Variants in ZEB2 observed in about 807,000 individuals in gnomAD.
ZEB2 encodes zinc finger E-box-binding homeobox 2.
Under a neutral mutation model 99.9 loss-of-function variants are expected in ZEB2, and 6 were observed. The ratio of observed to expected loss-of-function variants is 0.06; its 90% CI spans 0.03 to 0.12. ZEB2 has a LOEUF of 0.12. Ranked by LOEUF, ZEB2 falls within the 10% of genes least tolerant of loss-of-function variation. ZEB2 has a pLI of 1.00. For missense variants in ZEB2, 969 were observed against 1,502.8 expected, an observed-to-expected ratio of 0.64 and a Z score of 5.87; for synonymous variants, 517 against 542.5, an observed-to-expected ratio of 0.95 and a Z score of 0.65.
intron 2 of ZEB2, among the ~76,000 whole-genome samples, chr2:144,490,098 T>C (rs1248314649): frequency 6.6e-6 from 1 of 152,178 alleles, no homozygotes; most frequent in Non-Finnish European, 1.5e-5. Context: ...TGGGTTGGGA[T>C]ATTCTAATTA....
At chr2:144,514,621 G>A (rs1319555890) in intron 2 of ZEB2, among the ~76,000 whole-genome samples, 2 of 152,200 alleles carry the variant, frequency 1.3e-5, no homozygotes, top group Non-Finnish European at 2.9e-5. Flanking sequence ...TGAAAAAGGG[G>A]TGGGGTGGTA....
In ZEB2 at chr2:144,398,538, C is replaced by T; in HGVS notation, c.2649G>A (p.Val883=). The T allele has an allele frequency of 6.2e-7, 1 of 1,614,132 alleles. No homozygotes were observed. The highest frequency in any genetic ancestry group is 8.5e-7 in the Non-Finnish European group (1 of 1,180,012). ...TGGCACTAAATGGGTTCATGCTGAACACTGGGTTAGTGCTTTTGTTGTCCA... is the reference window on the plus strand; with the variant it reads ...TGGCACTAAATGGGTTCATGCTGAATACTGGGTTAGTGCTTTTGTTGTCCA... ...NNLDNKSTNP[V]FSMNPFSAKP... The change falls in exon 8 of 10, where the codon GTG becomes GTA. Residue 883 remains valine, a synonymous_variant. Transcript: ENST00000627532.
chr2:144,421,895 T>C (rs1179357009), intron 4 of ZEB2, among the ~76,000 whole-genome samples: 4 of 152,214 alleles, frequency 2.6e-5, no homozygotes, highest in African/African-American at 7.2e-5. Context: ...CCCATATCTA[T>C]ATATCTTTTA....
Position 144,398,771 on chromosome 2 carries a change from A to C in ZEB2, c.2416T>G (p.Phe806Val). The change falls in exon 8 of 10, where the codon TTC becomes GTC. Residue 806 changes from phenylalanine (F) to valine (V), a missense_variant. Around this residue, in one of 8 missense-constraint regions of ZEB2, gnomAD observed 346 missense variants for 460.0 expected, o/e 0.75. Coordinates refer to ENST00000627532, the MANE Select transcript of ZEB2 (RefSeq NM_014795.4). The stretch of plus-strand genomic sequence containing the variant: ...TCAGCCTGGAGCTCCTCAGAAGAGA[A>C]GCTGTTTGGAGTGTATGAACTACTG... ...SHSSSYTPNS[F>V]SSEELQAEPL... 1 of 1,614,138 alleles carries C rather than the reference A, an allele frequency of 6.2e-7. No homozygotes were observed. The highest frequency in any genetic ancestry group is 1.3e-5 in the African/African-American group (1 of 75,048).
intron 2 of ZEB2, among the ~76,000 whole-genome samples, chr2:144,440,515 A>ATATATATTT (rs1703899127): frequency 3.0e-5 from 1 of 32,846 alleles, no homozygotes; most frequent in African/African-American, 7.9e-5. Flanking sequence ...ATATATATAT[A>ATATATATTT]TTTTTTTTTT....
At chr2:144,501,289 T>G (rs377156397) in intron 2 of ZEB2, among the ~76,000 whole-genome samples, 1 of 152,172 alleles carries the variant, frequency 6.6e-6, no homozygotes, top group South Asian at 2.1e-4. Context: ...AATCATCCAA[T>G]GAGTCATTCT....
chr2:144,512,419 T>A, intron 2 of ZEB2: 1 of 1,287,194 alleles, frequency 7.8e-7, no homozygotes, highest in Non-Finnish European at 1.0e-6. Flanking sequence ...TAGACATACA[T>A]TTTTCCCAGG....
rs116059766 is a variant in ZEB2, at chr2:144,400,881, C to T, written c.916+318G>A. Reference sequence around the variant, plus strand: ...AAAAATTAATATCTTTCAGAATTTGCCAGTTGAGTTTCCTCAGGTCAGAAA... The same window carrying T: ...AAAAATTAATATCTTTCAGAATTTGTCAGTTGAGTTTCCTCAGGTCAGAAA... On this transcript the variant is annotated intron_variant, in intron 7 of 9. Transcript: ENST00000627532. Among the ~76,000 whole-genome samples the T allele has an allele frequency of 8.5e-3, 1,295 of 152,100 alleles. 11 individuals are homozygous for T. Among genetic ancestry groups the T allele is most frequent in the African/African-American group, 0.015 (622 of 41,466 alleles).
At chr2:144,421,640 T>C (rs1229569994) in intron 4 of ZEB2, among the ~76,000 whole-genome samples, 1 of 151,900 alleles carries the variant, frequency 6.6e-6, no homozygotes, top group Admixed American at 6.6e-5. Flanking sequence ...TTAATTTTTT[T>C]CTCTTGTGTC....
chr2:144,424,931 C>T (rs1703672047), intron 3 of ZEB2, 64 bp from the exon 4 acceptor site: 7 of 1,522,900 alleles, frequency 4.6e-6, no homozygotes, highest in Non-Finnish European at 5.5e-6. Context: ...CTAAGCATGC[C>T]AAGCACAGGA....
intron 2 of ZEB2, among the ~76,000 whole-genome samples, chr2:144,498,924 GAATA>G (rs1204250029): frequency 1.3e-5 from 2 of 152,084 alleles, no homozygotes; most frequent in Non-Finnish European, 2.9e-5. Flanking sequence ...ATGAATGAAT[GAATA>G]AAGATGACAC....
At chr2:144,472,190 TTCTTCA>T (rs1228895250) in intron 2 of ZEB2, among the ~76,000 whole-genome samples, 4 of 144,406 alleles carry the variant, frequency 2.8e-5, no homozygotes, top group East Asian at 4.2e-4. Flanking sequence ...TGGTCATGTT[TTCTTCA>T]TCATCATCAT....
intron 2 of ZEB2, among the ~76,000 whole-genome samples, chr2:144,490,226 C>T (rs960913554): frequency 1.2e-4 from 19 of 152,298 alleles, no homozygotes; most frequent in African/African-American, 4.3e-4. Context: ...TGACATCAGT[C>T]AAGTTATTTA....
chr2:144,399,188 T>A lies in ZEB2; in HGVS notation c.1999A>T (p.Met667Leu), dbSNP rs772848092. The part of the protein sequence containing the change: ...SVLKAYYAMN[M>L]EPNSDELLKI... ...AGCAGTTCATCGGAGTTGGGCTCCATGTTCATAGCATAGTATGCTTTGAGT... is the reference window on the plus strand; with the variant it reads ...AGCAGTTCATCGGAGTTGGGCTCCAAGTTCATAGCATAGTATGCTTTGAGT... The change falls in exon 8 of 10, where the codon ATG (methionine) becomes TTG (leucine). Residue 667 changes from methionine (M) to leucine (L), a missense_variant. This residue lies in a region of ZEB2 where 346 missense variants were observed against 460.0 expected (regional missense o/e 0.75). Coordinates refer to ENST00000627532, the MANE Select transcript of ZEB2 (RefSeq NM_014795.4). This position sits in a 1 kb window ranked among gnomAD's most constrained non-coding sequence, Gnocchi z 5.6. The A allele has an allele frequency of 6.2e-7, 1 of 1,614,204 alleles. No individual in the cohort carries two copies. The highest frequency in any genetic ancestry group is 1.7e-5 in the Admixed American group (1 of 60,028).
intron 2 of ZEB2, among the ~76,000 whole-genome samples, chr2:144,451,126 A>G (rs1171540550): frequency 6.6e-6 from 1 of 152,216 alleles, no homozygotes; most frequent in East Asian, 1.9e-4. Flanking sequence ...GTAAAAGAAA[A>G]CACATTTAAA....
intron 9 of ZEB2, among the ~76,000 whole-genome samples, chr2:144,393,492 G>A (rs1442209581): frequency 1.3e-5 from 2 of 152,156 alleles, no homozygotes; most frequent in Non-Finnish European, 2.9e-5. Flanking sequence ...GAATCAGTCA[G>A]TCCCAAGACA....
At chr2:144,482,473 G>A (rs1027766886) in intron 2 of ZEB2, 8 of 152,108 alleles carry the variant, frequency 5.3e-5, no homozygotes, top group African/African-American at 1.9e-4. Flanking sequence ...ATCCAAATGT[G>A]TTGAGCCTGT....
Position 144,391,775 on chromosome 2 carries a change from C to A in ZEB2, c.3068-1747G>T, listed in dbSNP as rs116638416. On this transcript the variant is annotated intron_variant, in intron 9 of 9. Transcript: ENST00000627532. ...GATGCTGTCAGGAGAAAGGATAAGA[C>A]GTTTCTAGTCGCAGCAATTCATCCA... Among the ~76,000 whole-genome samples the A allele has an allele frequency of 7.2e-5, 11 of 152,256 alleles. No homozygotes were observed. In the East Asian group the frequency reaches 1.7e-3, roughly 24 times the overall value.
chr2:144,511,919 T>A (rs1317527967), intron 2 of ZEB2: 1 of 1,287,254 alleles, frequency 7.8e-7, no homozygotes, highest in Non-Finnish European at 1.0e-6. Context: ...TATGTTAACA[T>A]CTGCTTTTGT....
Sources: gnomAD v4.1 joint callset for allele counts (sites outside exome capture counted in the v4.1 genomes callset) on GRCh38, gnomAD v4.1.1 for gene constraint, gnomAD v4.1.1 regional missense constraint, Gnocchi (gnomAD v3.1) non-coding constraint, MANE v1.5 for transcripts, NCBI Gene and HGNC (gene_info 2026-07-23, HGNC 2026-07-21) for gene names.